TACR3: variants seen among roughly 807,000 people sequenced by gnomAD.
TACR3 encodes the protein tachykinin receptor 3, also known as neuromedin-K receptor.
A neutral mutation model predicts 35.0 loss-of-function variants in TACR3; 34 were observed. The observed-to-expected ratio is 0.97, with a 90% CI of 0.74 to 1.30. TACR3 has a LOEUF of 1.30. TACR3 is among the 50% of genes most tolerant of loss of function. The pLI is 0.00. For missense variants in TACR3, 558 were observed against 591.7 expected (o/e 0.94, Z 0.59); for synonymous variants, 233 against 221.1 (o/e 1.05, Z -0.48).
chr4:103,629,862 A>AAAAAAAAAAAAC (rs1725011576), intron 3 of TACR3, among the ~76,000 whole-genome samples: 27 of 111,572 alleles, frequency 2.4e-4, no homozygotes, highest in African/African-American at 8.1e-4. Flanking sequence ...AAAAAAAAAC[A>AAAAAAAAAAAAC]AAAAAAAAAC....
At chr4:103,706,677 G>C (rs1274031774) in intron 1 of TACR3, among the ~76,000 whole-genome samples, 1 of 152,088 alleles carries the variant, frequency 6.6e-6, no homozygotes, top group Non-Finnish European at 1.5e-5. Context: ...GATATTTAGA[G>C]GGTAGGATAA....
At chr4:103,657,866 A>G (rs1351128366) in intron 2 of TACR3, among the ~76,000 whole-genome samples, 2 of 152,130 alleles carry the variant, frequency 1.3e-5, no homozygotes, top group East Asian at 3.9e-4. Flanking sequence ...CTAAAAGAGC[A>G]ATCAACACAT....
intron 3 of TACR3, among the ~76,000 whole-genome samples, chr4:103,622,730 T>C (rs991644153): frequency 6.6e-6 from 1 of 152,010 alleles, no homozygotes; most frequent in Non-Finnish European, 1.5e-5. Context: ...ATGTGGCCAA[T>C]TGAACCTCCA....
intron 3 of TACR3, among the ~76,000 whole-genome samples, chr4:103,653,037 C>A (rs1019499085): frequency 6.6e-6 from 1 of 151,988 alleles, no homozygotes. Context: ...GATATCAATG[C>A]TCATACCAAT....
In TACR3 at chr4:103,589,635, T is replaced by C. The variant is rs1371269701; in HGVS notation, c.*47A>G. ...TAAATAGGAGAATGGGGTCCTAGAC[T>C]GGCACCATGATGGTCTCACACTAAT... On this transcript the variant is annotated 3_prime_UTR_variant, in exon 5 of 5. Coordinates refer to ENST00000304883, the MANE Select transcript of TACR3 (RefSeq NM_001059.3). The C allele has an allele frequency of 6.2e-7, 1 of 1,608,144 alleles. No homozygotes were observed.
chr4:103,651,105 G>T (rs1184620972), intron 3 of TACR3, among the ~76,000 whole-genome samples: 3 of 147,138 alleles, frequency 2.0e-5, no homozygotes, highest in Non-Finnish European at 4.4e-5. Flanking sequence ...ATGAGCAGGT[G>T]GCGAAGCCAG....
intron 3 of TACR3, among the ~76,000 whole-genome samples, chr4:103,626,767 G>A (rs1724900524): frequency 6.6e-6 from 1 of 152,084 alleles, no homozygotes; most frequent in East Asian, 1.9e-4. Flanking sequence ...ACTTTATAAT[G>A]AGTAATAAAT....
At chr4:103,642,900 G>A (rs1725386024) in intron 3 of TACR3, among the ~76,000 whole-genome samples, 1 of 151,774 alleles carries the variant, frequency 6.6e-6, no homozygotes, top group South Asian at 2.1e-4. Context: ...TATGTATTGT[G>A]TTCGTGTATC....
At chr4:103,643,823 C>G (rs1344323935) in intron 3 of TACR3, among the ~76,000 whole-genome samples, 1 of 151,732 alleles carries the variant, frequency 6.6e-6, no homozygotes, top group Non-Finnish European at 1.5e-5. Context: ...CATTTTCCTG[C>G]TAGAAATTCA....
intron 3 of TACR3, among the ~76,000 whole-genome samples, chr4:103,646,625 G>A (rs952833078): frequency 6.6e-6 from 1 of 151,870 alleles, no homozygotes; most frequent in Non-Finnish European, 1.5e-5. Context: ...AGTCATTTGT[G>A]CCCCTCACGC....
chr4:103,647,373 A>G (rs1203481268), intron 3 of TACR3, among the ~76,000 whole-genome samples: 1 of 151,938 alleles, frequency 6.6e-6, no homozygotes, highest in Non-Finnish European at 1.5e-5. Flanking sequence ...CCTTTTCTAG[A>G]TACTAAATTA....
At chr4:103,611,693 G>C (rs1486588476) in intron 3 of TACR3, among the ~76,000 whole-genome samples, 1 of 152,024 alleles carries the variant, frequency 6.6e-6, no homozygotes, top group African/African-American at 2.4e-5. Flanking sequence ...AAGTAGAGGA[G>C]AATGATTCTG....
rs573603802 is a variant in TACR3, at chr4:103,682,563, C to A, written c.549-24160G>T. 3.9e-5 allele frequency among the ~76,000 whole-genome samples: 6 copies of A among 152,202 alleles called. 1 individual carries two copies. Among genetic ancestry groups the A allele is most frequent in the Admixed American group, 3.3e-4 (5 of 15,264 alleles). On this transcript the variant is annotated intron_variant, in intron 1 of 4. Coordinates refer to ENST00000304883, the MANE Select transcript of TACR3 (RefSeq NM_001059.3). ...TTCAATCACCTCCTACCTGGTCCCTCCCTCGACACATAGGGATTATGGGGA... is the reference window on the plus strand; with the variant it reads ...TTCAATCACCTCCTACCTGGTCCCTACCTCGACACATAGGGATTATGGGGA...
intron 3 of TACR3, among the ~76,000 whole-genome samples, chr4:103,628,830 G>A (rs1560813416): frequency 1.0e-5 from 1 of 98,542 alleles, no homozygotes; most frequent in Non-Finnish European, 2.1e-5. Context: ...CCAAAGCCTG[G>A]CAGAGATAAA....
At chr4:103,711,835 A>T (rs113917687) in intron 1 of TACR3, among the ~76,000 whole-genome samples, 50,247 of 152,028 alleles carry the variant, frequency 0.33, 12,855 homozygotes, top group African/African-American at 0.71. Context: ...TCACAAGCAT[A>T]CTTATACACC....
At chr4:103,635,612 A>AT (rs761934430) in intron 3 of TACR3, among the ~76,000 whole-genome samples, 17 of 152,116 alleles carry the variant, frequency 1.1e-4, no homozygotes, top group South Asian at 6.2e-4. Flanking sequence ...CCCACTAAGA[A>AT]TTTTTTGTGA....
rs139574028 is a variant in TACR3, at chr4:103,719,393, C to A, written c.283G>T (p.Val95Leu). The change falls in exon 1 of 5, where the codon GTG (valine) becomes TTG (leucine). Residue 95 changes from valine to leucine, a missense_variant. Val to Leu is a conservative substitution (Grantham distance 32). Transcript: ENST00000304883. The stretch of plus-strand genomic sequence containing the variant: ...TTTCCCAAAACTGCCACTGCCACCA[C>A]CACACCATACGCCAGGGACCAGAGC... Reference protein sequence around the residue: ...IALWSLAYGVVVAVAVLGNLI... With the variant: ...IALWSLAYGVLVAVAVLGNLI... 5.9e-5 allele frequency: 96 copies of A among 1,614,140 alleles called. No individual in the cohort carries two copies. The highest frequency in any genetic ancestry group is 7.9e-5 in the Non-Finnish European group (93 of 1,180,054).
chr4:103,656,117 A>G lies in TACR3; in HGVS notation c.888+77T>C, dbSNP rs143547106. On this transcript the variant is annotated intron_variant, in intron 3 of 4. Transcript: ENST00000304883. ...GAGCATCAGATCATATTGTATTAAC[A>G]TGCCATGACTAGATTGCTTTTCTTT... is the stretch of plus-strand genomic sequence containing the variant. 1,472 of 1,541,966 alleles carry G rather than the reference A, an allele frequency of 9.5e-4. 20 individuals are homozygous for G. In the African/African-American group the frequency reaches 0.018, roughly 19 times the overall value.
chr4:103,696,973 G>C (rs1034764178), intron 1 of TACR3, among the ~76,000 whole-genome samples: 8 of 152,110 alleles, frequency 5.3e-5, no homozygotes, highest in African/African-American at 1.9e-4. Flanking sequence ...GTATGCAGTG[G>C]TGCAGCCATA....
Sources: gnomAD v4.1 joint callset for allele counts (sites outside exome capture counted in the v4.1 genomes callset) on GRCh38, gnomAD v4.1.1 for gene constraint, MANE v1.5 for transcripts, NCBI Gene and HGNC (gene_info 2026-07-23, HGNC 2026-07-21) for gene names.